Variants in RAD51B observed in about 807,000 individuals in gnomAD.
RAD51B encodes the protein RAD51 paralog B.
Under a neutral mutation model 42.2 loss-of-function variants are expected in RAD51B, and 38 were observed. That is an observed-to-expected ratio of 0.90 (90% CI 0.70 to 1.18). RAD51B has a LOEUF of 1.18. Ranked by LOEUF, RAD51B falls within the 50% of genes most tolerant of loss-of-function variation. The probability of loss-of-function intolerance (pLI) is 0.00; values close to 1 mark genes in which losing one functional copy is unlikely to be tolerated. For synonymous variants in RAD51B, 154 were observed against 145.2 expected (o/e 1.06, Z -0.43); for missense variants, 373 against 400.7 (o/e 0.93, Z 0.59).
intron 7 of RAD51B, among the ~76,000 whole-genome samples, chr14:68,029,949 G>C (rs2076015466): frequency 6.6e-6 from 1 of 152,192 alleles, no homozygotes. Flanking sequence ...CTCTATTAGA[G>C]CTCTTGGTTG....
chr14:68,384,207 AG>A (rs2083541687), intron 8 of RAD51B, among the ~76,000 whole-genome samples: 2 of 152,236 alleles, frequency 1.3e-5, no homozygotes, highest in Admixed American at 1.3e-4. Context: ...ACAAAGAATG[AG>A]GGAAAAAGTA....
intron 8 of RAD51B, among the ~76,000 whole-genome samples, chr14:68,391,809 T>C (rs1018854506): frequency 6.6e-6 from 1 of 152,186 alleles, no homozygotes; most frequent in Non-Finnish European, 1.5e-5. Flanking sequence ...ACAACTCAGA[T>C]ATTACAAAAA....
At chr14:68,417,215 C>T (rs554083372) in intron 9 of RAD51B, among the ~76,000 whole-genome samples, 1 of 152,266 alleles carries the variant, frequency 6.6e-6, no homozygotes, top group African/African-American at 2.4e-5. Context: ...TGTACTTGTT[C>T]TCTTGTTTTC....
intron 4 of RAD51B, among the ~76,000 whole-genome samples, chr14:67,845,977 T>C (rs925520986): frequency 6.6e-6 from 1 of 152,224 alleles, no homozygotes; most frequent in Non-Finnish European, 1.5e-5. Flanking sequence ...AGCTTTGTTC[T>C]CTGGGCCCTT....
intron 8 of RAD51B, among the ~76,000 whole-genome samples, chr14:68,327,503 C>A (rs2082273556): frequency 6.6e-6 from 1 of 151,882 alleles, no homozygotes; most frequent in Admixed American, 6.6e-5. Flanking sequence ...TGGTGCTTCC[C>A]AAACCTTTCT....
Position 67,929,937 on chromosome 14 carries a change from A to T in RAD51B, c.756+42733A>T, listed in dbSNP as rs74947249. Among the ~76,000 whole-genome samples the T allele has an allele frequency of 1.9e-3, 283 of 152,236 alleles. 9 individuals carry two copies. The East Asian group carries it at 0.049, about 26-fold the overall frequency. On this transcript the variant is annotated intron_variant, in intron 7 of 10. Transcript: ENST00000471583. ...GTAGCTGGGATTACAGGCAGGAGCCATCGTGCCCAGCTTCTTTGTCTTTTA... is the reference window on the plus strand; with the variant it reads ...GTAGCTGGGATTACAGGCAGGAGCCTTCGTGCCCAGCTTCTTTGTCTTTTA...
At chr14:68,264,425 G>A (rs75084885) in intron 7 of RAD51B, among the ~76,000 whole-genome samples, 2,169 of 152,348 alleles carry the variant, frequency 0.014, 49 homozygotes, top group African/African-American at 0.048. Context: ...TACCAGAGTA[G>A]AAGAGAAAGT....
chr14:68,670,368 C>T (rs773889594), intron 11 of RAD51B, among the ~76,000 whole-genome samples: 3 of 152,066 alleles, frequency 2.0e-5, no homozygotes, highest in Non-Finnish European at 2.9e-5. Flanking sequence ...GCCCCCCGGC[C>T]CACCCCTCTG....
At chr14:68,288,604 C>T (rs1231834626) in intron 7 of RAD51B, among the ~76,000 whole-genome samples, 2 of 152,136 alleles carry the variant, frequency 1.3e-5, no homozygotes, top group African/African-American at 4.8e-5. Context: ...TACAGGTTTC[C>T]ATTACAGAAC....
intron 9 of RAD51B, among the ~76,000 whole-genome samples, chr14:68,428,996 C>A (rs145819184): frequency 6.7e-6 from 1 of 149,014 alleles, no homozygotes; most frequent in Non-Finnish European, 1.5e-5. Context: ...TGAGTGAGAA[C>A]ATGCAGTGTT....
At chr14:68,135,722 C>T (rs950673823) in intron 7 of RAD51B, among the ~76,000 whole-genome samples, 30 of 152,118 alleles carry the variant, frequency 2.0e-4, no homozygotes, top group African/African-American at 7.2e-4. Context: ...TGGTTACATT[C>T]CATTAAGATT....
chr14:68,318,672 A>G (rs2082105725), intron 8 of RAD51B, among the ~76,000 whole-genome samples: 1 of 152,204 alleles, frequency 6.6e-6, no homozygotes, highest in Admixed American at 6.5e-5. Context: ...CTCTGGGGTC[A>G]GTGTGAATAG....
intron 7 of RAD51B, among the ~76,000 whole-genome samples, chr14:68,064,060 C>G (rs1032737479): frequency 2.6e-5 from 4 of 151,994 alleles, no homozygotes; most frequent in African/African-American, 9.7e-5. Context: ...TTATGCTTCC[C>G]CATGTTTTCA....
intron 10 of RAD51B, among the ~76,000 whole-genome samples, chr14:68,584,256 C>T (rs989821117): frequency 2.6e-5 from 4 of 152,116 alleles, no homozygotes; most frequent in South Asian, 2.1e-4. Flanking sequence ...CAAAAGGACA[C>T]GTCTCTGGAG....
intron 10 of RAD51B, among the ~76,000 whole-genome samples, chr14:68,648,253 T>C (rs181682523): frequency 2.7e-5 from 4 of 146,994 alleles, no homozygotes; most frequent in African/African-American, 9.8e-5. Flanking sequence ...CAAAACTCTG[T>C]ACGTGCTCAA....
chr14:68,255,346 G>A (rs2080731483), intron 7 of RAD51B, among the ~76,000 whole-genome samples: 1 of 152,178 alleles, frequency 6.6e-6, no homozygotes, highest in Non-Finnish European at 1.5e-5. Context: ...GTAATTATCT[G>A]GAAATAGTTG....
intron 11 of RAD51B, among the ~76,000 whole-genome samples, chr14:68,659,731 C>T (rs978387769): frequency 8.5e-5 from 13 of 152,346 alleles, no homozygotes; most frequent in South Asian, 2.1e-4. Context: ...GACACATGGA[C>T]GGCAGCTGCT....
rs539991540 is a variant in RAD51B, at chr14:68,075,765, G to C, written c.756+188561G>C. Among the ~76,000 whole-genome samples, 9 of 151,960 alleles carry C rather than the reference G, an allele frequency of 5.9e-5. No individual in the cohort carries two copies. The South Asian group carries it at 1.9e-3, about 32-fold the overall frequency. ...TGAGCCAGGGGCGCTGCCTGGTAAA[G>C]AGGAGGGGGTGAGGGCTCACAGGGA... On this transcript the variant is annotated intron_variant, in intron 7 of 10. Transcript: ENST00000471583.
chr14:67,877,754 C>T (rs1261099156), intron 5 of RAD51B, among the ~76,000 whole-genome samples: 1 of 152,208 alleles, frequency 6.6e-6, no homozygotes, highest in Non-Finnish European at 1.5e-5. Flanking sequence ...TCTCGACTTA[C>T]TGGGTACAAG....
Sources: allele counts gnomAD v4.1 joint callset (sites outside exome capture counted in the v4.1 genomes callset), GRCh38; gene constraint gnomAD v4.1.1; transcripts MANE v1.5; gene names NCBI Gene and HGNC (gene_info 2026-07-23, HGNC 2026-07-21).